The following SRSF1 variants were observed in gnomAD, a reference collection of about 807,000 sequenced individuals.
The protein encoded by SRSF1 is serine and arginine rich splicing factor 1, also known as serine/arginine-rich splicing factor 1.
Under a neutral mutation model 25.9 loss-of-function variants are expected in SRSF1, and 1 was observed. That is an observed-to-expected ratio of 0.04 (90% confidence interval 0.01 to 0.18). The LOEUF is 0.18. Ranked by LOEUF, SRSF1 falls within the 10% of genes least tolerant of loss-of-function variation. The pLI, the probability that SRSF1 is intolerant of heterozygous loss-of-function variation, is 1.00. For missense variants in SRSF1, 65 were observed against 350.5 expected, an observed-to-expected ratio of 0.19 and a Z score of 6.50; for synonymous variants, 132 against 126.2, an observed-to-expected ratio of 1.05 and a Z score of -0.31.
At chr17:57,991,803 C>G in the SRSF1 span, 1 of 152,168 alleles carries the variant, frequency 6.6e-6, no homozygotes, top group Admixed American at 6.5e-5. Flanking sequence ...ATTCTACCAC[C>G]TGAAGTGTCA....
downstream of SRSF1, among the ~76,000 whole-genome samples, chr17:57,998,975 A>AT (rs2075374827): frequency 6.6e-6 from 1 of 152,160 alleles, no homozygotes; most frequent in South Asian, 2.1e-4. Context: ...TGTCCTTTCC[A>AT]TTTTTTATAA....
chr17:57,992,528 T>C, the SRSF1 span: 1 of 152,048 alleles, frequency 6.6e-6, no homozygotes, highest in Non-Finnish European at 1.5e-5. Flanking sequence ...TACACAAAGT[T>C]TCTCGAGTAC....
At chr17:57,992,844 G>A in the SRSF1 span, 1 of 152,248 alleles carries the variant, frequency 6.6e-6, no homozygotes, top group South Asian at 2.1e-4. Flanking sequence ...TCTTGGCAGT[G>A]AGAGGAACAG....
the SRSF1 span, chr17:57,993,749 G>A: frequency 6.6e-6 from 1 of 152,190 alleles, no homozygotes; most frequent in Non-Finnish European, 1.5e-5. Context: ...CTCTAACAAA[G>A]CACACAAGGC....
chr17:57,992,294 T>TA, the SRSF1 span: 2 of 152,016 alleles, frequency 1.3e-5, no homozygotes, highest in African/African-American at 2.4e-5. Flanking sequence ...CTGGAAAACA[T>TA]ACTCATAGGC....
At chr17:57,996,503 A>AAAAAAAC (rs1555574723), downstream of SRSF1, among the ~76,000 whole-genome samples, 1 of 151,092 alleles carries the variant, frequency 6.6e-6, no homozygotes, top group Non-Finnish European at 1.5e-5. Context: ...AAAAAAAAAA[A>AAAAAAAC]CAGCCTTTGC....
At chr17:58,006,107 G>T in intron 2 of SRSF1, 134 bp from the exon 3 acceptor site, 1 of 1,001,468 alleles carries the variant, frequency 1.0e-6, no homozygotes, top group Non-Finnish European at 1.4e-6. Flanking sequence ...AAAGAGAGCT[G>T]GTAAGATTCT....
chr17:58,005,459 T>C lies in SRSF1; in HGVS notation c.694A>G (p.Arg232Gly). The C allele has an allele frequency of 2.5e-6, 4 of 1,614,224 alleles. No homozygotes were observed. The highest frequency in any genetic ancestry group is 3.4e-6 in the Non-Finnish European group (4 of 1,180,046). ...RSRSYSPRRS[R>G]GSPRYSPRHS... The stretch of plus-strand genomic sequence containing the variant: ...CGGGGAGAATAGCGTGGTGATCCTC[T>C]GCTTCTCCTTGGGGAGTAACTGCGA... Residue 232 changes from arginine (R) to glycine (G), a missense_variant, in exon 4 of 4, where the codon AGA (arginine) becomes GGA (glycine). Arg to Gly is a moderately radical substitution (Grantham distance 125). Transcript: ENST00000258962. The surrounding 1 kb of genome is among the most constrained non-coding windows in gnomAD (Gnocchi z 5.2).
the SRSF1 span, chr17:57,990,527 C>A: frequency 6.6e-6 from 1 of 152,112 alleles, no homozygotes; most frequent in Non-Finnish European, 1.5e-5. Context: ...TATAATGAAA[C>A]CAGTATGATC....
At chr17:58,006,844 TAA>T in intron 1 of SRSF1, 98 bp downstream of exon 1, 1 of 1,424,484 alleles carries the variant, frequency 7.0e-7, no homozygotes, top group Non-Finnish European at 9.7e-7. Flanking sequence ...CCAACCTCTC[TAA>T]GAGCCCCCGC....
At chr17:57,995,472 A>G in the SRSF1 span, among the ~76,000 whole-genome samples, 28 of 152,328 alleles carry the variant, frequency 1.8e-4, 1 homozygote, top group South Asian at 5.8e-3. Context: ...TGCACTGCAC[A>G]CTGGAAAGCC....
chr17:57,996,767 G>A (rs8072156), downstream of SRSF1, among the ~76,000 whole-genome samples: 13,089 of 152,118 alleles, frequency 0.086, 701 homozygotes, highest in African/African-American at 0.15. Context: ...TGGATGCTGG[G>A]TCTCTTGGTT....
At position 58,002,086 on chromosome 17, in the gene SRSF1, C is replaced by A. The variant is rs183154996; in HGVS notation, c.*3320G>T. The stretch of plus-strand genomic sequence containing the variant: ...AAAATTATCATTAATCATTTATTTT[C>A]CCTTTAATAATCTGATGAATTTTTA... On this transcript the variant is annotated 3_prime_UTR_variant, in exon 4 of 4. Transcript: ENST00000258962. Among the ~76,000 whole-genome samples the A allele has an allele frequency of 9.3e-4, 142 of 152,196 alleles. No homozygotes were observed. Among genetic ancestry groups the A allele is most frequent in the African/African-American group, 3.4e-3 (141 of 41,514 alleles).
the SRSF1 span, chr17:57,990,929 T>TAC: frequency 6.6e-6 from 1 of 152,212 alleles, no homozygotes; most frequent in Non-Finnish European, 1.5e-5. Flanking sequence ...ACAAAATATC[T>TAC]ACCTCACAAT....
At chr17:58,006,243 C>G (rs906169912) in intron 2 of SRSF1, 100 bp downstream of exon 2, 4 of 1,410,350 alleles carry the variant, frequency 2.8e-6, no homozygotes, top group Non-Finnish European at 3.9e-6. Context: ...AATTTAAGAC[C>G]TAGCATGAAA....
chr17:57,995,083 C>T, the SRSF1 span, among the ~76,000 whole-genome samples: 2 of 152,302 alleles, frequency 1.3e-5, no homozygotes, highest in South Asian at 2.1e-4. Context: ...CTGTAGATTA[C>T]CAACTAGGGT....
rs2075405495 is a variant in SRSF1 at position 58,003,318 on chromosome 17, G to A, written c.*2088C>T. 3 of 152,094 alleles carry A rather than the reference G, an allele frequency of 2.0e-5. No homozygotes were observed. Among genetic ancestry groups the A allele is most frequent in the South Asian group, 4.1e-4 (2 of 4,820 alleles). 9.4% of individuals were successfully genotyped at this position (152,094 alleles called of 1,614,324 possible). ...TTCTCCCCTTTTGCTTTCCCCTGAA[G>A]ACTTTTACAATTAACAATAAAAGAT... On this transcript the variant is annotated 3_prime_UTR_variant, in exon 4 of 4. Transcript: ENST00000258962.
In SRSF1 at chr17:58,006,946, C is replaced by T; in HGVS notation, c.192G>A (p.Pro64=). The change falls in exon 1 of 4, where the codon CCG becomes CCA. Residue 64 remains proline (P), a splice_region_variant and synonymous_variant. Transcript: ENST00000258962. ...CTGCAAGCCCCATGCCGCCTCACCG[C>T]GGGTCCTCGAACTCAACGAAGGCGA... The part of the protein sequence containing the change: ...PPFAFVEFED[P]RDAEDAVYGR... 1 of 1,614,118 alleles carries T rather than the reference C, an allele frequency of 6.2e-7. No individual in the cohort carries two copies. The highest frequency in any genetic ancestry group is 8.5e-7 in the Non-Finnish European group (1 of 1,179,948).
rs2143473188 is a variant in SRSF1 at position 58,003,296 on chromosome 17, TCC to T, written c.*2108_*2109del. ...AGTTACATACACAAATGCCTTATTCTCCCCTTTTGCTTTCCCCTGAAGACTTT... is the reference window on the plus strand; with the variant it reads ...AGTTACATACACAAATGCCTTATTCTCCTTTTGCTTTCCCCTGAAGACTTT... On this transcript the variant is annotated 3_prime_UTR_variant, in exon 4 of 4. Coordinates refer to ENST00000258962, the MANE Select transcript of SRSF1 (RefSeq NM_006924.5). 1 of 152,168 alleles carries T rather than the reference TCC, an allele frequency of 6.6e-6. No individual in the cohort carries two copies. Among genetic ancestry groups the T allele is most frequent in the Non-Finnish European group, 1.5e-5 (1 of 68,014 alleles). The allele number at this position is 152,168 out of a possible 1,614,324, so 9.4% of individuals were successfully genotyped here.
Sources: gnomAD v4.1 joint callset for allele counts (sites outside exome capture counted in the v4.1 genomes callset) on GRCh38, gnomAD v4.1.1 for gene constraint, Gnocchi (gnomAD v3.1) non-coding constraint, MANE v1.5 for transcripts, NCBI Gene and HGNC (gene_info 2026-07-23, HGNC 2026-07-21) for gene names.